Variants in ROBO2 observed in about 807,000 individuals in gnomAD.
ROBO2 encodes the protein roundabout homolog 2.
Under a neutral mutation model 160.8 loss-of-function variants are expected in ROBO2, and 53 were observed. The ratio of observed to expected loss-of-function variants is 0.33; its 90% CI spans 0.26 to 0.41. The LOEUF (loss-of-function observed/expected upper bound fraction) is 0.41, where lower values mean the gene tolerates loss of function less well. ROBO2 is among the 10% of genes least tolerant of loss of function. ROBO2 has a pLI of 1.00. For missense variants in ROBO2, 1,577 were observed against 1,722.4 expected (o/e 0.92, Z 1.49); for synonymous variants, 664 against 611.7 (o/e 1.09, Z -1.26).
intron 2 of ROBO2, among the ~76,000 whole-genome samples, chr3:77,387,228 C>T (rs1389841841): frequency 6.6e-6 from 1 of 151,348 alleles, no homozygotes; most frequent in African/African-American, 2.4e-5. Flanking sequence ...CGTTGGCAGA[C>T]CACCGTAGCT....
At chr3:76,118,730 C>T (rs553637995) in intron 2 of ROBO2, among the ~76,000 whole-genome samples, 1 of 152,116 alleles carries the variant, frequency 6.6e-6, no homozygotes, top group Non-Finnish European at 1.5e-5. Context: ...GTATATGTTT[C>T]TGAAAAATGT....
At chr3:76,507,016 G>C (rs2080833887) in intron 2 of ROBO2, among the ~76,000 whole-genome samples, 1 of 152,088 alleles carries the variant, frequency 6.6e-6, no homozygotes, top group African/African-American at 2.4e-5. Context: ...TCTTCTCTCA[G>C]AAATATTAGT....
intron 2 of ROBO2, among the ~76,000 whole-genome samples, chr3:76,543,742 G>A (rs150635688): frequency 1.2e-4 from 19 of 152,028 alleles, no homozygotes; most frequent in African/African-American, 3.4e-4. Context: ...AATCACCAGC[G>A]TCATTATTAA....
chr3:77,055,349 A>C (rs1202077654), intron 1 of ROBO2, among the ~76,000 whole-genome samples: 1 of 152,146 alleles, frequency 6.6e-6, no homozygotes, highest in African/African-American at 2.4e-5. Flanking sequence ...TACTGTATTG[A>C]TAAAAGGGCT....
chr3:76,223,961 C>A (rs932151916), intron 2 of ROBO2, among the ~76,000 whole-genome samples: 1 of 152,260 alleles, frequency 6.6e-6, no homozygotes, highest in South Asian at 2.1e-4. Flanking sequence ...AAATATTTTG[C>A]ATATCTCTAA....
At chr3:76,091,346 A>G (rs1187389372) in intron 2 of ROBO2, among the ~76,000 whole-genome samples, 1 of 152,202 alleles carries the variant, frequency 6.6e-6, no homozygotes, top group Non-Finnish European at 1.5e-5. Context: ...TATTCAGCAT[A>G]TATAATTAAG....
At chr3:77,549,745 A>G (rs1463350395) in intron 7 of ROBO2, among the ~76,000 whole-genome samples, 1 of 151,984 alleles carries the variant, frequency 6.6e-6, no homozygotes, top group African/African-American at 2.4e-5. Flanking sequence ...TTCCATTGGT[A>G]TTACTTCAAG....
At chr3:75,996,158 G>T (rs1559815720) in intron 2 of ROBO2, among the ~76,000 whole-genome samples, 1 of 152,250 alleles carries the variant, frequency 6.6e-6, no homozygotes, top group East Asian at 1.9e-4. Context: ...ATCAGATTTT[G>T]GAGAAGACAG....
At chr3:77,331,033 C>A (rs1023849988) in intron 2 of ROBO2, among the ~76,000 whole-genome samples, 1 of 152,068 alleles carries the variant, frequency 6.6e-6, no homozygotes, top group Non-Finnish European at 1.5e-5. Flanking sequence ...TTGTCTTCTA[C>A]CATTTGAGAA....
At chr3:77,636,190 G>A (rs2095260799) in intron 24 of ROBO2, among the ~76,000 whole-genome samples, 1 of 152,156 alleles carries the variant, frequency 6.6e-6, no homozygotes, top group Admixed American at 6.5e-5. Flanking sequence ...AAAAGGGTCA[G>A]CAAACTTCTT....
At position 76,008,584 on chromosome 3, in the gene ROBO2, C is replaced by T. The variant is rs941319952; in HGVS notation, c.109+70982C>T. Among the ~76,000 whole-genome samples, 9 of 152,192 alleles carry T rather than the reference C, an allele frequency of 5.9e-5. No individual in the cohort carries two copies. In the South Asian group the frequency reaches 1.7e-3, roughly 28 times the overall value. ...TGGAGCACCAAACTTGCCCCTTCCT[C>T]TGCAATAACCTAAACACAAAAGTCT... On this transcript the variant is annotated intron_variant, in intron 2 of 26. Transcript: ENST00000487694.
At chr3:76,699,923 CT>C (rs2093012136) in intron 2 of ROBO2, among the ~76,000 whole-genome samples, 1 of 152,008 alleles carries the variant, frequency 6.6e-6, no homozygotes, top group South Asian at 2.1e-4. Flanking sequence ...TGAATGTCTC[CT>C]GTTGAGGCAC....
chr3:75,989,331 T>C (rs549622800), intron 2 of ROBO2, among the ~76,000 whole-genome samples: 7 of 152,216 alleles, frequency 4.6e-5, no homozygotes, highest in African/African-American at 7.2e-5. Context: ...TTGGCCAGGC[T>C]GGTCTCGAAC....
chr3:75,913,952 A>G (rs1946705542), intron 1 of ROBO2, among the ~76,000 whole-genome samples: 1 of 152,186 alleles, frequency 6.6e-6, no homozygotes, highest in Admixed American at 6.5e-5. Flanking sequence ...TTTAATGGTC[A>G]TGTCAGCCTT....
At chr3:76,869,801 A>G (rs1408608077) in intron 2 of ROBO2, among the ~76,000 whole-genome samples, 1 of 152,164 alleles carries the variant, frequency 6.6e-6, no homozygotes, top group Non-Finnish European at 1.5e-5. Flanking sequence ...TGGTCTATTT[A>G]TATCTTTAGA....
intron 2 of ROBO2, among the ~76,000 whole-genome samples, chr3:76,241,894 G>A (rs1705311351): frequency 1.3e-5 from 2 of 152,116 alleles, no homozygotes; most frequent in South Asian, 4.1e-4. Context: ...TGATGGAATT[G>A]TGAATAATTA....
chr3:76,336,675 C>G (rs889755705), intron 2 of ROBO2, among the ~76,000 whole-genome samples: 4 of 152,062 alleles, frequency 2.6e-5, no homozygotes, highest in Admixed American at 1.3e-4. Flanking sequence ...TTAAGTCATC[C>G]TCTGGTCTGT....
chr3:76,266,272 A>G (rs767672729), intron 2 of ROBO2, among the ~76,000 whole-genome samples: 34 of 152,250 alleles, frequency 2.2e-4, no homozygotes, highest in African/African-American at 7.7e-4. Context: ...TTTACAGAAA[A>G]TAGAGAAAGA....
chr3:77,346,380 C>T (rs1346400006), intron 2 of ROBO2, among the ~76,000 whole-genome samples: 1 of 152,004 alleles, frequency 6.6e-6, no homozygotes, highest in Non-Finnish European at 1.5e-5. Context: ...CAACCTTCTC[C>T]CTGGGTCCAG....
Sources: allele counts gnomAD v4.1 joint callset (sites outside exome capture counted in the v4.1 genomes callset), GRCh38; gene constraint gnomAD v4.1.1; transcripts MANE v1.5; gene names NCBI Gene and HGNC (gene_info 2026-07-23, HGNC 2026-07-21).